The following ACOT7 variants were observed in gnomAD, a reference collection of about 807,000 sequenced individuals.
ACOT7 encodes the protein acyl-CoA thioesterase 7, also known as cytosolic acyl coenzyme A thioester hydrolase.
Under a neutral mutation model 40.2 loss-of-function variants are expected in ACOT7, and 12 were observed. That is an observed-to-expected ratio of 0.30 (90% confidence interval 0.19 to 0.48). The LOEUF (loss-of-function observed/expected upper bound fraction) is 0.48, where lower values mean the gene tolerates loss of function less well. Ranked by LOEUF, ACOT7 falls within the 20% of genes least tolerant of loss-of-function variation. The pLI is 0.99. For missense variants in ACOT7, 395 were observed against 530.8 expected (o/e 0.74, Z 2.51); for synonymous variants, 228 against 219.5 (o/e 1.04, Z -0.34).
chr1:6,306,764 C>T lies in ACOT7; in HGVS notation c.712+11728G>A. On this transcript the variant is annotated intron_variant, in intron 6 of 8. Coordinates refer to ENST00000361521, the MANE Select transcript of ACOT7 (RefSeq NM_007274.4). The surrounding 1 kb of genome is among the most constrained non-coding windows in gnomAD (Gnocchi z 4.3). ...ACCTTTTTCCTTCCTTGCCCCAACA[C>T]TGAGGGTCTGGTGTGTTGTGTCCCA... 7.8e-7 allele frequency: 1 copy of T among 1,274,662 alleles called. No homozygotes were observed. The highest frequency in any genetic ancestry group is 1.0e-6 in the Non-Finnish European group (1 of 978,568). 79.0% of individuals were successfully genotyped at this position (1,274,662 alleles called of 1,614,324 possible).
At chr1:6,296,956 C>G (rs971432763) in intron 6 of ACOT7, among the ~76,000 whole-genome samples, 2 of 152,170 alleles carry the variant, frequency 1.3e-5, no homozygotes, top group African/African-American at 4.8e-5. Context: ...CAATATTTGA[C>G]TTACAAAAGC....
intron 4 of ACOT7, among the ~76,000 whole-genome samples, chr1:6,328,606 C>T (rs1640869748): frequency 6.6e-6 from 1 of 152,092 alleles, no homozygotes; most frequent in African/African-American, 2.4e-5. Context: ...CGCTTGAATC[C>T]GGGAGATGGA....
In ACOT7 at chr1:6,282,269, G is replaced by C. The variant is rs1416333965; in HGVS notation, c.830-983C>G. 6.6e-6 allele frequency among the ~76,000 whole-genome samples: 1 copy of C among 152,196 alleles called. No homozygotes were observed. The highest frequency in any genetic ancestry group is 1.5e-5 in the Non-Finnish European group (1 of 68,032). ...CCTATAGGCAGGCATGAGACACCCT[G>C]CCTGGGGGATAGCTACGGGATGGAA... is the stretch of plus-strand genomic sequence containing the variant. On this transcript the variant is annotated intron_variant, in intron 7 of 8. Coordinates refer to ENST00000361521, the MANE Select transcript of ACOT7 (RefSeq NM_007274.4). This position sits in a 1 kb window ranked among gnomAD's most constrained non-coding sequence, Gnocchi z 4.5.
At chr1:6,360,620 G>T (rs750420310) in intron 1 of ACOT7, 3 of 1,614,192 alleles carry the variant, frequency 1.9e-6, no homozygotes, top group Non-Finnish European at 2.5e-6. Context: ...TTCTGAGGAC[G>T]TTTAGTGACA....
chr1:6,299,032 G>A lies in ACOT7; in HGVS notation c.713-4052C>T, dbSNP rs1389107598. Reference sequence around the variant, plus strand: ...CTGCCCCATCGCCCATGCCTGGAGGGGCTTGAGTCCCTCTGTCCCCGTCTA... The same window carrying A: ...CTGCCCCATCGCCCATGCCTGGAGGAGCTTGAGTCCCTCTGTCCCCGTCTA... On this transcript the variant is annotated intron_variant, in intron 6 of 8. Transcript: ENST00000361521. This position sits in a 1 kb window ranked among gnomAD's most constrained non-coding sequence, Gnocchi z 4.1. Among the ~76,000 whole-genome samples, 2 of 152,204 alleles carry A rather than the reference G, an allele frequency of 1.3e-5. No homozygotes were observed. Among genetic ancestry groups the A allele is most frequent in the African/African-American group, 4.8e-5 (2 of 41,460 alleles).
At chr1:6,272,813 C>G (rs367761528) in intron 8 of ACOT7, among the ~76,000 whole-genome samples, 1 of 152,250 alleles carries the variant, frequency 6.6e-6, no homozygotes, top group Non-Finnish European at 1.5e-5. Context: ...ACAGATCTCT[C>G]GCTCACCTTC....
intron 8 of ACOT7, among the ~76,000 whole-genome samples, chr1:6,265,760 A>G (rs1331696869): frequency 6.6e-6 from 1 of 152,196 alleles, no homozygotes; most frequent in Non-Finnish European, 1.5e-5. Context: ...CCTCTGGGAC[A>G]TTTCATCGCA....
chr1:6,305,589 C>T (rs1309355369), intron 6 of ACOT7, among the ~76,000 whole-genome samples: 26 of 146,518 alleles, frequency 1.8e-4, no homozygotes, highest in African/African-American at 5.2e-4. Flanking sequence ...ACATCCCAGA[C>T]GGGGCGGCAG....
At chr1:6,350,275 A>AC (rs1341975507) in intron 1 of ACOT7, among the ~76,000 whole-genome samples, 1 of 152,022 alleles carries the variant, frequency 6.6e-6, no homozygotes, top group Non-Finnish European at 1.5e-5. Flanking sequence ...GACCACCACC[A>AC]CCCCCGTCAG....
intron 1 of ACOT7, chr1:6,360,709 A>C: frequency 6.2e-7 from 1 of 1,613,302 alleles, no homozygotes; most frequent in Non-Finnish European, 8.5e-7. Context: ...ATGGAACTCA[A>C]GGAATGAGCC....
rs2148430796 is a variant in ACOT7 at position 6,327,419 on chromosome 1, A to G, written c.511-6T>C. On this transcript the variant is annotated splice_polypyrimidine_tract_variant and splice_region_variant and intron_variant, in intron 4 of 8. Coordinates refer to ENST00000361521, the MANE Select transcript of ACOT7 (RefSeq NM_007274.4). The stretch of plus-strand genomic sequence containing the variant: ...TCCTGCTCCTGCCGGGAATACTGCG[A>G]GAAACCAAAGACAGGTCAGGCCCAG... 6.2e-7 allele frequency: 1 copy of G among 1,614,026 alleles called. No homozygotes were observed. Among genetic ancestry groups the G allele is most frequent in the African/African-American group, 1.3e-5 (1 of 75,064 alleles).
chr1:6,295,332 G>A, intron 6 of ACOT7: 1 of 181,562 alleles, frequency 5.5e-6, no homozygotes, highest in South Asian at 1.3e-4. Flanking sequence ...GCGAGGATGT[G>A]GGGGAAACTG....
At chr1:6,391,866 G>A (rs1642538365) in intron 1 of ACOT7, among the ~76,000 whole-genome samples, 1 of 152,150 alleles carries the variant, frequency 6.6e-6, no homozygotes, top group Non-Finnish European at 1.5e-5. Context: ...AAACCATGGA[G>A]CCCAAGTTTC....
At chr1:6,317,946 G>A (rs933990580) in intron 6 of ACOT7, among the ~76,000 whole-genome samples, 16 of 152,272 alleles carry the variant, frequency 1.1e-4, no homozygotes, top group African/African-American at 3.6e-4. Flanking sequence ...TGGCCAGGCC[G>A]GTCTTGAACT....
rs12026026 is a variant in ACOT7, at chr1:6,338,267, C to T, written c.418+1166G>A. On this transcript the variant is annotated intron_variant, in intron 3 of 8. Coordinates refer to ENST00000361521, the MANE Select transcript of ACOT7 (RefSeq NM_007274.4). This position sits in a 1 kb window ranked among gnomAD's most constrained non-coding sequence, Gnocchi z 4.4. ...GCCAAGGCTCCACCCCCAGCACAGT[C>T]GGAGAAGAGCTGCGATCTCACAGGA... Among the ~76,000 whole-genome samples the T allele has an allele frequency of 2.0e-5, 3 of 152,192 alleles. No individual in the cohort carries two copies. Among genetic ancestry groups the T allele is most frequent in the South Asian group, 2.1e-4 (1 of 4,834 alleles).
At chr1:6,377,001 T>C (rs1642245354) in intron 1 of ACOT7, among the ~76,000 whole-genome samples, 1 of 152,172 alleles carries the variant, frequency 6.6e-6, no homozygotes, top group Non-Finnish European at 1.5e-5. Flanking sequence ...CCTTATGTCA[T>C]TTGGAAACTG....
intron 2 of ACOT7, among the ~76,000 whole-genome samples, chr1:6,344,719 G>A (rs550005588): frequency 7.6e-6 from 1 of 131,590 alleles, no homozygotes; most frequent in South Asian, 2.4e-4. Flanking sequence ...AGCTGAGACC[G>A]CACCATTGCA....
intron 1 of ACOT7, among the ~76,000 whole-genome samples, chr1:6,392,113 A>G (rs1642542395): frequency 6.6e-6 from 1 of 152,108 alleles, no homozygotes; most frequent in Non-Finnish European, 1.5e-5. Context: ...TGAGACTGAG[A>G]GTCAAGAATC....
chr1:6,319,408 G>T (rs1370768457), intron 5 of ACOT7, among the ~76,000 whole-genome samples: 1 of 152,164 alleles, frequency 6.6e-6, no homozygotes, highest in Non-Finnish European at 1.5e-5. Flanking sequence ...GGCCAGGCTG[G>T]TCTTGAACTC....
Sources: allele counts gnomAD v4.1 joint callset (sites outside exome capture counted in the v4.1 genomes callset), GRCh38; gene constraint gnomAD v4.1.1; non-coding constraint Gnocchi (gnomAD v3.1); transcripts MANE v1.5; gene names NCBI Gene and HGNC (gene_info 2026-07-23, HGNC 2026-07-21).